The following ADD3 variants were observed in gnomAD, a reference collection of about 807,000 sequenced individuals.
ADD3 encodes adducin 3.
Under a neutral mutation model 80.2 loss-of-function variants are expected in ADD3, and 25 were observed. That is an observed-to-expected ratio of 0.31 (90% CI 0.23 to 0.44). ADD3 has a LOEUF of 0.44. ADD3 is among the 20% of genes least tolerant of loss of function. ADD3 has a pLI of 1.00. For synonymous variants in ADD3, 284 were observed against 289.6 expected (o/e 0.98, Z 0.20); for missense variants, 829 against 847.5 (o/e 0.98, Z 0.27).
intron 1 of ADD3, among the ~76,000 whole-genome samples, chr10:110,039,204 C>G (rs1856003158): frequency 6.6e-6 from 1 of 151,834 alleles, no homozygotes; most frequent in South Asian, 2.1e-4. Context: ...CCAGAGTAAT[C>G]ATGTTGTTGC....
chr10:110,133,087 A>T (rs1853263980), intron 14 of ADD3, among the ~76,000 whole-genome samples: 1 of 152,190 alleles, frequency 6.6e-6, no homozygotes. Context: ...CTGTTATTTC[A>T]TCAAACTGGG....
chr10:110,015,876 CT>C (rs895711100), intron 1 of ADD3, among the ~76,000 whole-genome samples: 3 of 152,288 alleles, frequency 2.0e-5, no homozygotes, highest in Non-Finnish European at 4.4e-5. Flanking sequence ...AAGGCTGTCA[CT>C]GTTATAGCAG....
intron 2 of ADD3, 112 bp from the exon 3 acceptor site, chr10:110,112,665 A>G: frequency 8.1e-7 from 1 of 1,239,772 alleles, no homozygotes; most frequent in Non-Finnish European, 1.1e-6. Flanking sequence ...TTTAAATAGT[A>G]CAGGTAAAAG....
chr10:110,021,148 A>G (rs1373054012), intron 1 of ADD3, among the ~76,000 whole-genome samples: 2 of 152,250 alleles, frequency 1.3e-5, no homozygotes, highest in African/African-American at 4.8e-5. Context: ...AAGGGATTTA[A>G]TGTATCTTAT....
At chr10:110,107,168 G>C (rs1173634684) in intron 2 of ADD3, among the ~76,000 whole-genome samples, 1 of 152,098 alleles carries the variant, frequency 6.6e-6, no homozygotes, top group Non-Finnish European at 1.5e-5. Flanking sequence ...GTATAGTAGA[G>C]CAGGAAAATA....
chr10:110,063,506 G>T (rs1843454495), intron 1 of ADD3, among the ~76,000 whole-genome samples: 1 of 151,542 alleles, frequency 6.6e-6, no homozygotes, highest in Non-Finnish European at 1.5e-5. Context: ...ATACGAAAAT[G>T]CTTTGGTTTT....
chr10:110,101,504 G>A (rs1479976268), intron 2 of ADD3, among the ~76,000 whole-genome samples: 2 of 151,964 alleles, frequency 1.3e-5, no homozygotes, highest in African/African-American at 2.4e-5. Flanking sequence ...GTGTGGTGGT[G>A]TGCACATGTA....
chr10:110,073,143 T>C (rs914805476), intron 1 of ADD3, among the ~76,000 whole-genome samples: 12 of 138,154 alleles, frequency 8.7e-5, no homozygotes, highest in East Asian at 5.9e-4. Flanking sequence ...GTTTTCTTTT[T>C]TTTTTTTTTT....
At chr10:110,046,087 GA>G (rs1189145196) in intron 1 of ADD3, among the ~76,000 whole-genome samples, 3 of 152,172 alleles carry the variant, frequency 2.0e-5, no homozygotes, top group Non-Finnish European at 2.9e-5. Context: ...AAGAAGCAGA[GA>G]AAAGTCATGA....
chr10:110,036,612 TCCG>T (rs1040735307), intron 1 of ADD3, among the ~76,000 whole-genome samples: 33 of 152,186 alleles, frequency 2.2e-4, no homozygotes, highest in African/African-American at 7.9e-4. Context: ...GTCCTCATGA[TCCG>T]CCCGCCTTGG....
chr10:110,039,263 C>T (rs1856015459), intron 1 of ADD3, among the ~76,000 whole-genome samples: 1 of 152,018 alleles, frequency 6.6e-6, no homozygotes, highest in Non-Finnish European at 1.5e-5. Flanking sequence ...CCTTTAAGAC[C>T]TTCTGACTTA....
chr10:110,071,196 T>C (rs1844661881), intron 1 of ADD3, among the ~76,000 whole-genome samples: 1 of 152,078 alleles, frequency 6.6e-6, no homozygotes, highest in South Asian at 2.1e-4. Flanking sequence ...TGTCTCATAG[T>C]TGGAAAAAGC....
chr10:110,058,222 C>G (rs750250951), intron 1 of ADD3, among the ~76,000 whole-genome samples: 2 of 151,834 alleles, frequency 1.3e-5, no homozygotes, highest in Non-Finnish European at 2.9e-5. Context: ...AAAGGCAGCA[C>G]TCTGTCTCTC....
intron 9 of ADD3, among the ~76,000 whole-genome samples, chr10:110,123,535 T>C (rs943412369): frequency 4.6e-5 from 7 of 152,230 alleles, no homozygotes; most frequent in African/African-American, 1.7e-4. Flanking sequence ...TATTTTTTAA[T>C]TGGGTTCTTC....
chr10:110,094,741 T>A lies in ADD3; in HGVS notation c.-29-5884T>A, dbSNP rs184368723. On this transcript the variant is annotated intron_variant, in intron 1 of 14. Transcript: ENST00000356080. ...ATCTAAGGATAGTAGCTTGTCATAG[T>A]TTGTGTAGGGTCTAAGTTGTTTTCT... Among the ~76,000 whole-genome samples, 144 of 152,320 alleles carry A rather than the reference T, an allele frequency of 9.5e-4. 1 individual carries two copies. Among genetic ancestry groups the A allele is most frequent in the Admixed American group, 9.3e-3 (142 of 15,290 alleles).
upstream of ADD3, among the ~76,000 whole-genome samples, chr10:110,002,236 A>T (rs780915039): frequency 2.0e-5 from 3 of 152,066 alleles, no homozygotes; most frequent in Non-Finnish European, 4.4e-5. Context: ...AGGTCACAGT[A>T]AGACTCCGTT....
At chr10:110,083,054 C>T (rs1846261012) in intron 1 of ADD3, among the ~76,000 whole-genome samples, 1 of 152,136 alleles carries the variant, frequency 6.6e-6, no homozygotes, top group African/African-American at 2.4e-5. Context: ...TATTGAGTAA[C>T]TCTAAGTGGA....
intron 1 of ADD3, among the ~76,000 whole-genome samples, chr10:110,071,385 A>T (rs925981155): frequency 1.3e-5 from 2 of 152,222 alleles, no homozygotes; most frequent in Admixed American, 6.5e-5. Flanking sequence ...ATTTAAGAGG[A>T]TAGATCTCAT....
At chr10:110,112,637 T>C in intron 2 of ADD3, 140 bp from the exon 3 acceptor site, 1 of 990,516 alleles carries the variant, frequency 1.0e-6, no homozygotes, top group Admixed American at 3.2e-5. Context: ...TTTTATTATT[T>C]TGTGTTTTAT....
Sources: gnomAD v4.1 joint callset for allele counts (sites outside exome capture counted in the v4.1 genomes callset) on GRCh38, gnomAD v4.1.1 for gene constraint, MANE v1.5 for transcripts, NCBI Gene and HGNC (gene_info 2026-07-23, HGNC 2026-07-21) for gene names.